EPG5: variants seen among roughly 807,000 people sequenced by gnomAD.
EPG5 encodes ectopic P granules protein 5 homolog.
In EPG5, 159 loss-of-function variants were observed where a neutral mutation model predicts 302.7. The observed-to-expected ratio is 0.53, with a 90% CI of 0.46 to 0.60. The LOEUF (loss-of-function observed/expected upper bound fraction) is 0.60, where lower values mean the gene tolerates loss of function less well. Among genes scored for constraint, EPG5 ranks in the 20% least tolerant of loss-of-function variants. The pLI, the probability that EPG5 is intolerant of heterozygous loss-of-function variation, is 0.00. For synonymous variants in EPG5, 1,158 were observed against 1,136.8 expected, an observed-to-expected ratio of 1.02 and a Z score of -0.37; for missense variants, 2,896 against 3,092.4, an observed-to-expected ratio of 0.94 and a Z score of 1.51.
Position 45,885,190 on chromosome 18 carries a change from T to G in EPG5, c.5110-379A>C, listed in dbSNP as rs546123854. Among the ~76,000 whole-genome samples, 30 of 152,048 alleles carry G rather than the reference T, an allele frequency of 2.0e-4. No individual in the cohort carries two copies. The East Asian group carries it at 5.6e-3, about 28-fold the overall frequency. ...CCCGTCTCTACTAAAAATACAAAAA[T>G]TAGCTGGGCGTGGTGGTGGGCACCT... On this transcript the variant is annotated intron_variant, in intron 29 of 43. Coordinates refer to ENST00000282041, the MANE Select transcript of EPG5 (RefSeq NM_020964.3).
At chr18:45,944,968 C>T (rs1422630395) in intron 7 of EPG5, among the ~76,000 whole-genome samples, 39 of 152,214 alleles carry the variant, frequency 2.6e-4, no homozygotes, top group East Asian at 1.9e-4. Context: ...GAAATCTTTG[C>T]GGTCTTTTCG....
At chr18:45,873,152 T>C (rs556035679) in intron 35 of EPG5, among the ~76,000 whole-genome samples, 1 of 152,216 alleles carries the variant, frequency 6.6e-6, no homozygotes, top group African/African-American at 2.4e-5. Flanking sequence ...TTCTGTCCTA[T>C]GCCACTTTCT....
chr18:45,913,024 G>T (rs1443914622), intron 21 of EPG5, among the ~76,000 whole-genome samples: 2 of 151,586 alleles, frequency 1.3e-5, no homozygotes, highest in Non-Finnish European at 2.9e-5. Context: ...GAAGGTGGAG[G>T]TTGCAGTGAG....
At chr18:45,818,483 T>C in the EPG5 span, among the ~76,000 whole-genome samples, 1 of 152,220 alleles carries the variant, frequency 6.6e-6, no homozygotes, top group Admixed American at 6.5e-5. Context: ...TGTCAGGTTT[T>C]CATCTATCTT....
the EPG5 span, among the ~76,000 whole-genome samples, chr18:45,813,920 A>G: frequency 6.6e-6 from 1 of 152,310 alleles, no homozygotes; most frequent in South Asian, 2.1e-4. Flanking sequence ...TAATAATTTA[A>G]AAAATTAAAA....
Position 45,943,194 on chromosome 18 carries a change from C to A in EPG5, c.1910G>T (p.Arg637Met), listed in dbSNP as rs773395403. The stretch of plus-strand genomic sequence containing the variant: ...ATAACCAATTCGCTTCACAAACTGC[C>A]TATAGCGTGCTCTATTAAAGGTTTC... ...GLETFNRARY[R>M]QFVKRIGYMI... The change falls in exon 9 of 44, where the codon AGG (arginine) becomes ATG (methionine). Residue 637 changes from arginine (R) to methionine (M), a missense_variant. This residue lies in a region of EPG5 where 1,390 missense variants were observed against 1,430.0 expected (regional missense o/e 0.97). Transcript: ENST00000282041. 6.2e-7 allele frequency: 1 copy of A among 1,614,150 alleles called. No individual in the cohort carries two copies.
rs58456153 is a variant in EPG5, at chr18:45,951,398, C to T, written c.1253-160G>A. On this transcript the variant is annotated intron_variant, in intron 3 of 43. Coordinates refer to ENST00000282041, the MANE Select transcript of EPG5 (RefSeq NM_020964.3). ...AAATACTTAAATTTTTATAAACAGA[C>T]AAGTCAAAAATGTGTTTAACTTTGA... Among the ~76,000 whole-genome samples, 17,563 of 150,910 alleles carry T rather than the reference C, an allele frequency of 0.12. 1,356 individuals carry two copies. The highest frequency in any genetic ancestry group is 0.22 in the African/African-American group (9,036 of 41,246).
chr18:45,845,044 G>A (rs2048353212), downstream of EPG5, among the ~76,000 whole-genome samples: 2 of 152,254 alleles, frequency 1.3e-5, no homozygotes, highest in South Asian at 4.1e-4. Context: ...TCTTCAAAAT[G>A]TCCTTTTGAA....
intron 43 of EPG5, among the ~76,000 whole-genome samples, chr18:45,853,381 T>C (rs959892947): frequency 1.3e-5 from 2 of 152,252 alleles, no homozygotes; most frequent in African/African-American, 2.4e-5. Flanking sequence ...ATTTTGATTA[T>C]TCCTTTCTTC....
chr18:45,802,544 T>G, the EPG5 span, among the ~76,000 whole-genome samples: 3 of 150,700 alleles, frequency 2.0e-5, no homozygotes, highest in African/African-American at 4.9e-5. Flanking sequence ...AAAAAAAAAG[T>G]CTCTGGTCCT....
intron 13 of EPG5, among the ~76,000 whole-genome samples, chr18:45,927,485 G>A (rs556768688): frequency 3.0e-4 from 45 of 152,122 alleles, no homozygotes; most frequent in East Asian, 7.7e-4. Context: ...AGCAAGGCCC[G>A]AAAGAGATAT....
rs1568116604 is a variant in EPG5 at position 45,880,087 on chromosome 18, C to A, written c.5655G>T (p.Leu1885Phe). Residue 1885 changes from leucine to phenylalanine, a missense_variant, in exon 32 of 44, where the codon TTG becomes TTT. Leu to Phe is a conservative substitution (Grantham distance 22). Around this residue, in one of 5 missense-constraint regions of EPG5, gnomAD observed 790 missense variants for 798.0 expected, o/e 0.99. Coordinates refer to ENST00000282041, the MANE Select transcript of EPG5 (RefSeq NM_020964.3). Reference sequence around the variant, plus strand: ...AAAGGCTACACACCTGCTTGTCTGACAAGAGAGCATCAGAAGAGCTGGGAA... The same window carrying A: ...AAAGGCTACACACCTGCTTGTCTGAAAAGAGAGCATCAGAAGAGCTGGGAA... ...AVLPSSSDALLSDKQVMETIQ... is the reference protein window; with the variant it reads ...AVLPSSSDALFSDKQVMETIQ... 1 of 1,596,096 alleles carries A rather than the reference C, an allele frequency of 6.3e-7. No individual in the cohort carries two copies. Among genetic ancestry groups the A allele is most frequent in the South Asian group, 1.1e-5 (1 of 90,010 alleles).
At chr18:45,867,223 C>G (rs1417302547) in intron 37 of EPG5, among the ~76,000 whole-genome samples, 1 of 152,192 alleles carries the variant, frequency 6.6e-6, no homozygotes, top group Non-Finnish European at 1.5e-5. Context: ...TATTGAGTAT[C>G]TGGAACCCAG....
rs376836914 is a variant in EPG5, at chr18:45,916,598, G to A, written c.3240-16C>T. ...CGATAAAAACCTGCCAAGCACACAG[G>A]AGGACGCACTTTACCTTCCGATCAG... On this transcript the variant is annotated splice_polypyrimidine_tract_variant and intron_variant, in intron 17 of 43. Coordinates refer to ENST00000282041, the MANE Select transcript of EPG5 (RefSeq NM_020964.3). 1,594 of 1,582,778 alleles carry A rather than the reference G, an allele frequency of 1.0e-3. 1 individual carries two copies. The highest frequency in any genetic ancestry group is 1.3e-3 in the Non-Finnish European group (1,513 of 1,155,552).
intron 9 of EPG5, among the ~76,000 whole-genome samples, chr18:45,941,903 A>G (rs1196375525): frequency 6.6e-6 from 1 of 152,166 alleles, no homozygotes; most frequent in Non-Finnish European, 1.5e-5. Context: ...TCCTAACTCT[A>G]TACTCAAGGC....
the EPG5 span, among the ~76,000 whole-genome samples, chr18:45,812,856 T>C: frequency 3.6e-3 from 550 of 152,308 alleles, 3 homozygotes; most frequent in Non-Finnish European, 6.0e-3. Flanking sequence ...GACATAGGCA[T>C]GGGCAAGGAC....
In EPG5 at chr18:45,914,875, G is replaced by C. The variant is rs571350584; in HGVS notation, c.3693+636C>G. Among the ~76,000 whole-genome samples the C allele has an allele frequency of 2.4e-4, 36 of 152,138 alleles. No individual in the cohort carries two copies. In the East Asian group the frequency reaches 4.8e-3, roughly 20 times the overall value. ...GTGTGCCTGTAGTCCCCAAATACTA[G>C]GGAGGCTGGGAGCAGGAGAATCACT... On this transcript the variant is annotated intron_variant, in intron 20 of 43. Coordinates refer to ENST00000282041, the MANE Select transcript of EPG5 (RefSeq NM_020964.3).
intron 16 of EPG5, among the ~76,000 whole-genome samples, chr18:45,919,112 T>A (rs954197706): frequency 1.3e-5 from 2 of 152,206 alleles, no homozygotes; most frequent in Non-Finnish European, 2.9e-5. Context: ...AATGATTTTA[T>A]GATGGGAAAT....
intron 13 of EPG5, among the ~76,000 whole-genome samples, chr18:45,926,128 A>G (rs2050261838): frequency 2.0e-5 from 3 of 152,242 alleles, no homozygotes; most frequent in Admixed American, 1.3e-4. Context: ...TGTAAAGATC[A>G]ATCTTTTTAA....
Sources: gnomAD v4.1 joint callset for allele counts (sites outside exome capture counted in the v4.1 genomes callset) on GRCh38, gnomAD v4.1.1 for gene constraint, gnomAD v4.1.1 regional missense constraint, MANE v1.5 for transcripts, NCBI Gene and HGNC (gene_info 2026-07-23, HGNC 2026-07-21) for gene names.